Variants in PLOD1 observed in about 807,000 individuals in gnomAD.
The protein encoded by PLOD1 is lysine hydroxylase.
Under a neutral mutation model 94.7 loss-of-function variants are expected in PLOD1, and 70 were observed. That is an observed-to-expected ratio of 0.74 (90% confidence interval 0.61 to 0.90). The LOEUF is 0.90. PLOD1 is among the 40% of genes least tolerant of loss of function. The pLI, the probability that PLOD1 is intolerant of heterozygous loss-of-function variation, is 0.00. For synonymous variants in PLOD1, 417 were observed against 400.2 expected (o/e 1.04, Z -0.50); for missense variants, 905 against 972.7 (o/e 0.93, Z 0.93).
chr1:11,967,959 T>C (rs1488062042), intron 16 of PLOD1, among the ~76,000 whole-genome samples: 1 of 151,198 alleles, frequency 6.6e-6, no homozygotes, highest in Admixed American at 6.6e-5. Flanking sequence ...GTGTAAATTT[T>C]TTTTTTTTTT....
chr1:11,965,062 C>T (rs949431867), intron 13 of PLOD1, among the ~76,000 whole-genome samples: 3 of 151,994 alleles, frequency 2.0e-5, no homozygotes, highest in East Asian at 3.9e-4. Context: ...CCAAAGAAAA[C>T]GGAACTTTCC....
At chr1:11,954,554 A>C in intron 5 of PLOD1, 1 of 700,218 alleles carries the variant, frequency 1.4e-6, no homozygotes, top group Non-Finnish European at 2.7e-6. Flanking sequence ...GGTTACTCTT[A>C]ACGGCCGTCA....
intron 3 of PLOD1, 30 bp from the exon 4 acceptor site, chr1:11,950,327 T>G (rs908301385): frequency 1.1e-5 from 18 of 1,612,768 alleles, no homozygotes; most frequent in Non-Finnish European, 1.4e-5. Flanking sequence ...ACCCTTGCCC[T>G]GCTCCGTCTT....
intron 9 of PLOD1, among the ~76,000 whole-genome samples, chr1:11,959,080 C>T (rs983121479): frequency 6.6e-6 from 1 of 152,040 alleles, no homozygotes; most frequent in Non-Finnish European, 1.5e-5. Flanking sequence ...TGGCAGATGC[C>T]TGTAATCCCA....
At position 11,957,793 on chromosome 1, in the gene PLOD1, G is replaced by A. The variant is rs1415527119; in HGVS notation, c.742-49G>A. 1 of 1,275,248 alleles carries A rather than the reference G, an allele frequency of 7.8e-7. No homozygotes were observed. The highest frequency in any genetic ancestry group is 1.1e-6 in the Non-Finnish European group (1 of 870,638). 79.0% of individuals were successfully genotyped at this position (1,275,248 alleles called of 1,614,324 possible). A position where few individuals can be genotyped will look rare whatever the true frequency, so the allele number is the denominator to read the frequency against. On this transcript the variant is annotated intron_variant, in intron 7 of 18. Coordinates refer to ENST00000196061, the MANE Select transcript of PLOD1 (RefSeq NM_000302.4). This position sits in a 1 kb window ranked among gnomAD's most constrained non-coding sequence, Gnocchi z 4.1. ...CCAGGGAGATGTGAGTCAGGGCTATGGCAGGTGGGGCTGGCTGGCTTCTCT... is the reference window on the plus strand; with the variant it reads ...CCAGGGAGATGTGAGTCAGGGCTATAGCAGGTGGGGCTGGCTGGCTTCTCT...
chr1:11,964,433 T>G (rs1645801365), intron 12 of PLOD1, 133 bp downstream of exon 12: 4 of 1,055,084 alleles, frequency 3.8e-6, no homozygotes, highest in Non-Finnish European at 5.8e-6. Flanking sequence ...CAAGGAAGAC[T>G]TCAGTTAGAC....
At chr1:11,967,476 G>A (rs1002264571) in intron 16 of PLOD1, among the ~76,000 whole-genome samples, 1 of 150,854 alleles carries the variant, frequency 6.6e-6, no homozygotes, top group African/African-American at 2.4e-5. Context: ...TCAGACAGCA[G>A]GAGCAGGTGG....
chr1:11,956,979 C>T lies in PLOD1; in HGVS notation c.706C>T (p.Leu236Phe). 6.2e-7 allele frequency: 1 copy of T among 1,613,806 alleles called. No homozygotes were observed. Among genetic ancestry groups the T allele is most frequent in the Non-Finnish European group, 8.5e-7 (1 of 1,179,772 alleles). Reference sequence around the variant, plus strand: ...AGCGAGGAACCTGGCCTATGACACCCTCCCGGTCCTGATCCATGGCAACGG... The same window carrying T: ...AGCGAGGAACCTGGCCTATGACACCTTCCCGGTCCTGATCCATGGCAACGG... ...VRARNLAYDT[L>F]PVLIHGNGPT... Residue 236 changes from leucine (L) to phenylalanine (F), a missense_variant, in exon 7 of 19, where the codon CTC (leucine) becomes TTC (phenylalanine). Coordinates refer to ENST00000196061, the MANE Select transcript of PLOD1 (RefSeq NM_000302.4).
chr1:11,947,698 C>T (rs1219353187), intron 1 of PLOD1, among the ~76,000 whole-genome samples: 1 of 152,216 alleles, frequency 6.6e-6, no homozygotes. Flanking sequence ...CTGGGCCCCA[C>T]CTCCAACAGT....
chr1:11,951,423 G>A (rs1162398301), intron 4 of PLOD1, among the ~76,000 whole-genome samples: 1 of 151,700 alleles, frequency 6.6e-6, no homozygotes, highest in Non-Finnish European at 1.5e-5. Context: ...AAAGGTAGCC[G>A]GGCGTGGTGG....
chr1:11,935,729 T>C (rs1319790049), intron 1 of PLOD1, among the ~76,000 whole-genome samples: 1 of 151,790 alleles, frequency 6.6e-6, no homozygotes, highest in Non-Finnish European at 1.5e-5. Context: ...GGTTCAAGTG[T>C]TTCTCCTGCC....
chr1:11,971,237 T>C (rs1241219983), intron 17 of PLOD1, among the ~76,000 whole-genome samples: 1 of 22,792 alleles, frequency 4.4e-5, no homozygotes, highest in Admixed American at 5.9e-4. Flanking sequence ...GGGGCTTGGG[T>C]GGAAGGGCCA....
chr1:11,974,514 C>T (rs1645889626), intron 18 of PLOD1, 139 bp from the exon 19 acceptor site: 2 of 809,682 alleles, frequency 2.5e-6, no homozygotes, highest in Non-Finnish European at 4.1e-6. Flanking sequence ...TCCTTAGCAG[C>T]GCTTGTGGCT....
At chr1:11,953,770 T>C (rs6703931) in intron 5 of PLOD1, among the ~76,000 whole-genome samples, 40,854 of 151,232 alleles carry the variant, frequency 0.27, 8,318 homozygotes, top group African/African-American at 0.58. Context: ...GCAGCCTGGG[T>C]GACAAGAGCC....
In PLOD1 at chr1:11,963,257, C is replaced by G. The variant is rs1267234007; in HGVS notation, c.1098-275C>G. ...AGGCAGCCCCAGCTTACTCCCCACC[C>G]TGGGCCATGTAGGCACCTGTGGGCT... is the stretch of plus-strand genomic sequence containing the variant. On this transcript the variant is annotated intron_variant, in intron 10 of 18. Transcript: ENST00000196061. This position sits in a 1 kb window ranked among gnomAD's most constrained non-coding sequence, Gnocchi z 4.3. Among the ~76,000 whole-genome samples the G allele has an allele frequency of 6.6e-6, 1 of 152,186 alleles. No individual in the cohort carries two copies. Among genetic ancestry groups the G allele is most frequent in the African/African-American group, 2.4e-5 (1 of 41,452 alleles).
At chr1:11,943,045 G>A (rs1645625679) in intron 1 of PLOD1, among the ~76,000 whole-genome samples, 3 of 152,174 alleles carry the variant, frequency 2.0e-5, no homozygotes, top group African/African-American at 7.2e-5. Context: ...AGAGTGCAGT[G>A]GCATTATCTC....
In PLOD1 at chr1:11,958,545, C is replaced by T. The variant is rs1391173198; in HGVS notation, c.873C>T (p.Gly291=). Residue 291 remains glycine (G), a synonymous_variant, in exon 9 of 19, where the codon GGC becomes GGT. Coordinates refer to ENST00000196061, the MANE Select transcript of PLOD1 (RefSeq NM_000302.4). This position sits in a 1 kb window ranked among gnomAD's most constrained non-coding sequence, Gnocchi z 4.3. ...GDEALPTVLV[G]VFIEQPTPFV... Reference sequence around the variant, plus strand: ...AAGCTCTGCCCACGGTCCTGGTCGGCGTGTTCATCGAACAGCCCACGCCGT... The same window carrying T: ...AAGCTCTGCCCACGGTCCTGGTCGGTGTGTTCATCGAACAGCCCACGCCGT... 24 of 1,613,738 alleles carry T rather than the reference C, an allele frequency of 1.5e-5. No homozygotes were observed. Among genetic ancestry groups the T allele is most frequent in the African/African-American group, 4.0e-5 (3 of 74,908 alleles).
At position 11,957,719 on chromosome 1, in the gene PLOD1, C is replaced by A; in HGVS notation, c.742-123C>A. ...TGGGGATGGAGCATTATCTCCAAGA[C>A]CCTCTTAGGGAGTGGGAGGGGGCTG... is the stretch of plus-strand genomic sequence containing the variant. On this transcript the variant is annotated intron_variant, in intron 7 of 18. Transcript: ENST00000196061. The surrounding 1 kb of genome is among the most constrained non-coding windows in gnomAD (Gnocchi z 4.1). The A allele has an allele frequency of 1.3e-6, 1 of 784,428 alleles. No homozygotes were observed. The highest frequency in any genetic ancestry group is 1.3e-5 in the South Asian group (1 of 74,170). The allele number at this position is 784,428 out of a possible 1,614,324, so 48.6% of individuals were successfully genotyped here. A position where few individuals can be genotyped will look rare whatever the true frequency, so the allele number is the denominator to read the frequency against.
At chr1:11,951,695 G>A (rs972880141) in intron 4 of PLOD1, among the ~76,000 whole-genome samples, 28 of 149,322 alleles carry the variant, frequency 1.9e-4, no homozygotes, top group Admixed American at 6.7e-5. Flanking sequence ...CGAGGTGGGC[G>A]GATCACGAGG....
Sources: allele counts gnomAD v4.1 joint callset (sites outside exome capture counted in the v4.1 genomes callset), GRCh38; gene constraint gnomAD v4.1.1; non-coding constraint Gnocchi (gnomAD v3.1); transcripts MANE v1.5; gene names NCBI Gene and HGNC (gene_info 2026-07-23, HGNC 2026-07-21).